Variants in RXRA observed in about 807,000 individuals in gnomAD.
RXRA encodes retinoid X receptor alpha, also known as retinoic acid receptor RXR-alpha.
RXRA carries 5 observed loss-of-function variants against 44.5 expected under a neutral mutation model. That is an observed-to-expected ratio of 0.11 (90% CI 0.06 to 0.24). RXRA has a LOEUF of 0.24. RXRA is among the 10% of genes least tolerant of loss of function. The pLI, the probability that RXRA is intolerant of heterozygous loss-of-function variation, is 1.00. For missense variants in RXRA, 412 were observed against 646.5 expected, an observed-to-expected ratio of 0.64 and a Z score of 3.93; for synonymous variants, 291 against 271.4, an observed-to-expected ratio of 1.07 and a Z score of -0.71.
At chr9:134,371,954 G>T (rs1830496672) in intron 1 of RXRA, 1 of 152,254 alleles carries the variant, frequency 6.6e-6, no homozygotes, top group Non-Finnish European at 1.5e-5. Flanking sequence ...CCAACATCCT[G>T]CCAGCCTGGT....
chr9:134,433,196 C>T lies in RXRA; in HGVS notation c.1136-906C>T, dbSNP rs542278259. On this transcript the variant is annotated intron_variant, in intron 8 of 9. Coordinates refer to ENST00000481739, the MANE Select transcript of RXRA (RefSeq NM_002957.6). The surrounding 1 kb of genome is among the most constrained non-coding windows in gnomAD (Gnocchi z 4.2). Reference sequence around the variant, plus strand: ...CATTTTATCACCCAGGCTGTGCATCCGGGCCGTAATCCTGCCAGCTCGGAG... The same window carrying T: ...CATTTTATCACCCAGGCTGTGCATCTGGGCCGTAATCCTGCCAGCTCGGAG... Among the ~76,000 whole-genome samples, 16 of 152,226 alleles carry T rather than the reference C, an allele frequency of 1.1e-4. No homozygotes were observed. The highest frequency in any genetic ancestry group is 3.4e-3 in the Middle Eastern group (1 of 294).
At chr9:134,423,554 C>T (rs759810784) in intron 6 of RXRA, 15 of 985,178 alleles carry the variant, frequency 1.5e-5, no homozygotes, top group African/African-American at 1.7e-5. Context: ...TGGAAGGACT[C>T]TTCTGGCCAT....
At position 134,336,574 on chromosome 9, in the gene RXRA, C is replaced by T. The variant is rs930580777; in HGVS notation, c.28+9915C>T. ...GGCCGGCCGGAGCCTTGGTGGATGT[C>T]GCTGAATGGGCCCTGCTCCTCTTCC... On this transcript the variant is annotated intron_variant, in intron 1 of 9. Coordinates refer to ENST00000481739, the MANE Select transcript of RXRA (RefSeq NM_002957.6). 5.3e-5 allele frequency among the ~76,000 whole-genome samples: 8 copies of T among 152,310 alleles called. No homozygotes were observed. The East Asian group carries it at 9.7e-4, about 18-fold the overall frequency.
At chr9:134,411,792 C>G (rs1831152905) in intron 4 of RXRA, among the ~76,000 whole-genome samples, 1 of 152,202 alleles carries the variant, frequency 6.6e-6, no homozygotes, top group Non-Finnish European at 1.5e-5. Flanking sequence ...AGTGAGGCCC[C>G]CGTGCCAAAC....
chr9:134,401,710 C>A lies in RXRA; in HGVS notation c.107C>A (p.Ser36Tyr), dbSNP rs766062086. The stretch of plus-strand genomic sequence containing the variant: ...ATGGCTGCCCCCTCGCTGCACCCGT[C>A]CCTGGGGCCTGGCATCGGCTCCCCG... ...GSMAAPSLHP[S>Y]LGPGIGSPGQ... Residue 36 changes from serine (S) to tyrosine (Y), a missense_variant, in exon 2 of 10, where the codon TCC becomes TAC. Transcript: ENST00000481739. The A allele has an allele frequency of 3.5e-5, 56 of 1,613,032 alleles. No individual in the cohort carries two copies. The highest frequency in any genetic ancestry group is 4.6e-5 in the Non-Finnish European group (54 of 1,180,002).
intron 1 of RXRA, among the ~76,000 whole-genome samples, chr9:134,400,707 G>A (rs994905674): frequency 2.0e-5 from 3 of 152,220 alleles, no homozygotes; most frequent in African/African-American, 4.8e-5. Flanking sequence ...CTCCTGAAGT[G>A]TGGTTGGGGC....
intron 1 of RXRA, among the ~76,000 whole-genome samples, chr9:134,333,915 G>C (rs994168849): frequency 6.6e-6 from 1 of 152,336 alleles, no homozygotes; most frequent in South Asian, 2.1e-4. Context: ...ACCTGTGCAG[G>C]CTCAGCCTTC....
intron 1 of RXRA, among the ~76,000 whole-genome samples, chr9:134,351,890 A>AGTG (rs1198203429): frequency 6.6e-6 from 1 of 152,116 alleles, no homozygotes; most frequent in Non-Finnish European, 1.5e-5. Context: ...GGGGTGTGCC[A>AGTG]GTGTGTGTTG....
In RXRA at chr9:134,404,918, C is replaced by T. The variant is rs1249207015; in HGVS notation, c.279+3036C>T. ...CGGGCAGGAGACCTGGGTGGGGCAT[C>T]GAGGCGGCGGGAACTGAAATAAGTG... On this transcript the variant is annotated intron_variant, in intron 2 of 9. Transcript: ENST00000481739. 2.6e-5 allele frequency: 4 copies of T among 152,310 alleles called. No homozygotes were observed. The South Asian group carries it at 6.2e-4, about 24-fold the overall frequency. 9.4% of individuals were successfully genotyped at this position (152,310 alleles called of 1,614,324 possible). A position where few individuals can be genotyped will look rare whatever the true frequency, so the allele number is the denominator to read the frequency against.
At chr9:134,394,578 A>C (rs1381011231) in intron 1 of RXRA, among the ~76,000 whole-genome samples, 1 of 152,114 alleles carries the variant, frequency 6.6e-6, no homozygotes, top group Admixed American at 6.5e-5. Context: ...GCAGGGTCTC[A>C]TAGGTCTGGG....
intron 1 of RXRA, among the ~76,000 whole-genome samples, chr9:134,340,191 G>A (rs908269758): frequency 3.9e-5 from 6 of 152,116 alleles, no homozygotes; most frequent in African/African-American, 1.4e-4. Context: ...TTGTGCCTGC[G>A]GGTCCAGGTT....
At chr9:134,428,996 G>T in intron 6 of RXRA, 112 bp from the exon 7 acceptor site, 3 of 1,350,932 alleles carry the variant, frequency 2.2e-6, no homozygotes, top group Non-Finnish European at 2.0e-6. Flanking sequence ...TCCAGAGCCT[G>T]TCAGGATGGG....
At chr9:134,415,321 C>T (rs992413137) in intron 4 of RXRA, among the ~76,000 whole-genome samples, 2 of 152,058 alleles carry the variant, frequency 1.3e-5, no homozygotes, top group Admixed American at 1.3e-4. Flanking sequence ...AAGGGAGGGG[C>T]TTGCAGAGCC....
intron 6 of RXRA, among the ~76,000 whole-genome samples, chr9:134,428,712 A>G (rs1297000042): frequency 6.6e-6 from 1 of 152,204 alleles, no homozygotes; most frequent in Admixed American, 6.5e-5. Flanking sequence ...AAGGGCACAC[A>G]GATCCCCGAG....
rs1834909248 is a variant in RXRA at position 134,326,463 on chromosome 9, T to C, written c.-169T>C. ...GGCGCGCAGACACAAGTAGTTTACA[T>C]TGTTGGGCGACTTTTGCAACAACTC... On this transcript the variant is annotated 5_prime_UTR_variant, in exon 1 of 10. Transcript: ENST00000481739. 2 of 134,000 alleles carry C rather than the reference T, an allele frequency of 1.5e-5. No homozygotes were observed. Among genetic ancestry groups the C allele is most frequent in the African/African-American group, 5.4e-5 (2 of 37,328 alleles). The allele number at this position is 134,000 out of a possible 1,614,324, so 8.3% of individuals were successfully genotyped here.
intron 1 of RXRA, among the ~76,000 whole-genome samples, chr9:134,390,430 G>T (rs1830782998): frequency 6.6e-6 from 1 of 152,208 alleles, no homozygotes; most frequent in Admixed American, 6.5e-5. Context: ...ACAGTGGGTG[G>T]GGGGCCAGGC....
intron 1 of RXRA, among the ~76,000 whole-genome samples, 162 bp downstream of exon 1, chr9:134,326,821 G>T (rs1834920970): frequency 6.9e-6 from 1 of 143,980 alleles, no homozygotes; most frequent in South Asian, 2.1e-4. Flanking sequence ...CGGGCCCGGG[G>T]AGGGTCGACC....
intron 1 of RXRA, among the ~76,000 whole-genome samples, chr9:134,348,966 G>A (rs540422187): frequency 1.2e-4 from 19 of 152,324 alleles, no homozygotes; most frequent in African/African-American, 4.1e-4. Context: ...GTGGCGTTGC[G>A]CCAGCTGGGC....
At chr9:134,378,711 C>T (rs554094702) in intron 1 of RXRA, among the ~76,000 whole-genome samples, 3 of 152,248 alleles carry the variant, frequency 2.0e-5, no homozygotes, top group Admixed American at 6.5e-5. Context: ...CTGGGCAGCG[C>T]GTGCCGTCCG....
Sources: allele counts gnomAD v4.1 joint callset (sites outside exome capture counted in the v4.1 genomes callset), GRCh38; gene constraint gnomAD v4.1.1; non-coding constraint Gnocchi (gnomAD v3.1); transcripts MANE v1.5; gene names NCBI Gene and HGNC (gene_info 2026-07-23, HGNC 2026-07-21).